The following TMPRSS9 variants were observed in gnomAD, a reference collection of about 807,000 sequenced individuals.
TMPRSS9 encodes the protein transmembrane serine protease 9.
Under a neutral mutation model 111.4 loss-of-function variants are expected in TMPRSS9, and 113 were observed. That is an observed-to-expected ratio of 1.01 (90% CI 0.87 to 1.19). TMPRSS9 has a LOEUF of 1.19. TMPRSS9 is among the 50% of genes most tolerant of loss of function. TMPRSS9 has a pLI of 0.00. For synonymous variants in TMPRSS9, 805 were observed against 659.1 expected, an observed-to-expected ratio of 1.22 and a Z score of -3.39; for missense variants, 1,803 against 1,513.1, an observed-to-expected ratio of 1.19 and a Z score of -3.18.
intron 1 of TMPRSS9, among the ~76,000 whole-genome samples, chr19:2,363,678 G>T (rs1230307915): frequency 6.6e-6 from 1 of 151,658 alleles, no homozygotes; most frequent in Non-Finnish European, 1.5e-5. Flanking sequence ...GCGCCCCTCG[G>T]TCCCCCAGGC....
chr19:2,389,870 G>T (rs1422716221), exon 1 of TMPRSS9: 3 of 1,613,870 alleles, frequency 1.9e-6, no homozygotes, highest in African/African-American at 2.7e-5. Context: ...CTGTCGAGCG[G>T]CCAGCATTGG....
chr19:2,402,723 A>T (rs1970877346), intron 5 of TMPRSS9, among the ~76,000 whole-genome samples: 1 of 152,146 alleles, frequency 6.6e-6, no homozygotes, highest in African/African-American at 2.4e-5. Context: ...GGGCAACAAG[A>T]GTGAAACTCT....
chr19:2,384,455 C>G (rs142262071), intron 1 of TMPRSS9, among the ~76,000 whole-genome samples: 6,477 of 151,838 alleles, frequency 0.043, 154 homozygotes, highest in African/African-American at 0.054. Context: ...GCGAGCAGAT[C>G]ACCCGGGGTC....
chr19:2,399,086 G>A, exon 4 of TMPRSS9: 1 of 1,613,562 alleles, frequency 6.2e-7, no homozygotes, highest in East Asian at 2.2e-5. Flanking sequence ...CAGACGCTGA[G>A]CCTGGGCCTG....
intron 1 of TMPRSS9, among the ~76,000 whole-genome samples, chr19:2,380,455 G>T (rs1342105401): frequency 3.3e-5 from 5 of 151,720 alleles, no homozygotes; most frequent in Admixed American, 2.6e-4. Context: ...AAAAAAATTA[G>T]CCAGGCATGG....
chr19:2,388,537 G>A (rs943704623), upstream of TMPRSS9, among the ~76,000 whole-genome samples: 2 of 152,192 alleles, frequency 1.3e-5, no homozygotes, highest in African/African-American at 2.4e-5. Flanking sequence ...GAAGGGCCCA[G>A]GCCTGCCCAC....
At chr19:2,365,552 G>A (rs554408694) in intron 1 of TMPRSS9, among the ~76,000 whole-genome samples, 1 of 151,830 alleles carries the variant, frequency 6.6e-6, no homozygotes, top group Non-Finnish European at 1.5e-5. Context: ...ATGCGGAATC[G>A]AATGGGATGG....
rs1599318608 is a variant in TMPRSS9 at position 2,422,178 on chromosome 19, AGC to A, written c.2480_2481del (p.Ser827AsnfsTer4). ...TGCCAACTCAACCTTATCTGCCGTG[AGC>A]ACCACTGCTAGGGGACAGACGCCAT... On this transcript the variant is annotated frameshift_variant, in exon 14 of 18. Transcript: ENST00000648592. LOFTEE classifies it high-confidence loss of function. 1 of 1,567,922 alleles carries A rather than the reference AGC, an allele frequency of 6.4e-7. No individual in the cohort carries two copies. Among genetic ancestry groups the A allele is most frequent in the East Asian group, 2.2e-5 (1 of 44,460 alleles).
At chr19:2,379,734 C>G (rs79729128) in intron 1 of TMPRSS9, among the ~76,000 whole-genome samples, 19 of 145,484 alleles carry the variant, frequency 1.3e-4, no homozygotes, top group Non-Finnish European at 3.0e-5. Flanking sequence ...TTCTCTTTCT[C>G]TCTCTCTCTC....
At chr19:2,421,460 TG>T (rs1971461075) in intron 13 of TMPRSS9, among the ~76,000 whole-genome samples, 1 of 151,658 alleles carries the variant, frequency 6.6e-6, no homozygotes, top group African/African-American at 2.4e-5. Flanking sequence ...AGCTAATTTT[TG>T]TATTTTTAGT....
In TMPRSS9 at chr19:2,404,563, T is replaced by G. The variant is rs188761035; in HGVS notation, c.671-811T>G. On this transcript the variant is annotated intron_variant, in intron 6 of 17. Transcript: ENST00000648592. ...GTCTCAAAAAAAAAAAAGCTGTCAT[T>G]TTGCTTTATACAGTAATAATAAGAT... is the stretch of plus-strand genomic sequence containing the variant. Among the ~76,000 whole-genome samples the G allele has an allele frequency of 6.8e-4, 102 of 150,262 alleles. 1 individual carries two copies. The highest frequency in any genetic ancestry group is 2.4e-3 in the African/African-American group (97 of 40,928).
At chr19:2,367,637 C>T (rs1263689347) in intron 1 of TMPRSS9, among the ~76,000 whole-genome samples, 3 of 150,808 alleles carry the variant, frequency 2.0e-5, no homozygotes, top group African/African-American at 7.4e-5. Context: ...GATCTCAGCT[C>T]ACTGCAAGTT....
intron 7 of TMPRSS9, 58 bp downstream of exon 8, chr19:2,405,603 T>C: frequency 7.0e-7 from 1 of 1,438,828 alleles, no homozygotes; most frequent in South Asian, 1.6e-5. Flanking sequence ...CTGCCTTCCC[T>C]CGTGCACTGG....
At chr19:2,410,273 T>A in exon 9 of TMPRSS9, 1 of 1,613,826 alleles carries the variant, frequency 6.2e-7, no homozygotes, top group South Asian at 1.1e-5. Flanking sequence ...AAGCCAGAGG[T>A]GCTGCAGAAA....
In TMPRSS9 at chr19:2,418,293, T is replaced by TCCCTCCTTTTCCTTTCC. The variant is rs1329352014; in HGVS notation, c.2154+155_2154+156insCCCTCCTTTTCCTTTCC. ...CCTTCCCTCCTTTTCCTTTCCTCCT[T>TCCCTCCTTTTCCTTTCC]TCCTTCCCTCCCTTTCCCTCCCTCC... On this transcript the variant is annotated intron_variant, in intron 13 of 17. Coordinates refer to ENST00000648592, the Ensembl canonical transcript of TMPRSS9. Among the ~76,000 whole-genome samples, 4 of 84,722 alleles carry TCCCTCCTTTTCCTTTCC rather than the reference T, an allele frequency of 4.7e-5. 1 individual carries two copies. Among genetic ancestry groups the TCCCTCCTTTTCCTTTCC allele is most frequent in the African/African-American group, 2.1e-4 (3 of 14,028 alleles). The allele number at this position is 84,722 out of a possible 152,430, so 55.6% of individuals were successfully genotyped here.
intron 1 of TMPRSS9, among the ~76,000 whole-genome samples, chr19:2,361,734 G>A (rs1477175838): frequency 6.6e-6 from 1 of 152,164 alleles, no homozygotes; most frequent in East Asian, 1.9e-4. Context: ...TTTTATAGGG[G>A]GTCAAACCAG....
chr19:2,424,511 C>A (rs1368963253), intron 15 of TMPRSS9, among the ~76,000 whole-genome samples: 3 of 149,482 alleles, frequency 2.0e-5, no homozygotes, highest in African/African-American at 7.5e-5. Context: ...ACCCCGCGGT[C>A]CCCACCTAAC....
chr19:2,403,016 A>G (rs17685104), intron 5 of TMPRSS9, 66 bp from the exon 7 acceptor site: 13,660 of 1,150,060 alleles, frequency 0.012, 327 homozygotes, highest in East Asian at 0.076. Flanking sequence ...TAAGTATAGC[A>G]TGGTGCCTTA....
intron 13 of TMPRSS9, among the ~76,000 whole-genome samples, chr19:2,420,441 CAAA>C (rs575760141): frequency 1.5e-3 from 158 of 106,112 alleles, no homozygotes; most frequent in African/African-American, 4.7e-3. Flanking sequence ...GACTCCACCT[CAAA>C]AAAAAAAAAA....
Sources: allele counts gnomAD v4.1 joint callset (sites outside exome capture counted in the v4.1 genomes callset), GRCh38; gene constraint gnomAD v4.1.1; transcripts MANE v1.5; gene names NCBI Gene and HGNC (gene_info 2026-07-23, HGNC 2026-07-21).